Variants in ENOX2 observed in about 807,000 individuals in gnomAD.
The protein encoded by ENOX2 is APK1 antigen.
Under a neutral mutation model 45.0 loss-of-function variants are expected in ENOX2, and 36 were observed. The observed-to-expected ratio is 0.80, with a 90% confidence interval of 0.61 to 1.06. The LOEUF (loss-of-function observed/expected upper bound fraction) is 1.06, where lower values mean the gene tolerates loss of function less well. Ranked by LOEUF, ENOX2 falls within the 50% of genes least tolerant of loss-of-function variation. The pLI is 0.00. For synonymous variants in ENOX2, 174 were observed against 152.3 expected (o/e 1.14, Z -1.05); for missense variants, 423 against 462.5 (o/e 0.91, Z 0.78).
intron 2 of ENOX2, among the ~76,000 whole-genome samples, chrX:130,891,004 G>A (rs2148588670): frequency 9.0e-6 from 1 of 111,731 alleles, no homozygotes; most frequent in Non-Finnish European, 1.9e-5. Flanking sequence ...CAGAGAGATG[G>A]ACCACCCCAA....
intron 2 of ENOX2, among the ~76,000 whole-genome samples, chrX:130,863,861 T>C (rs1396426525): frequency 1.8e-5 from 2 of 111,780 alleles, no homozygotes; most frequent in African/African-American, 6.5e-5. Context: ...AAAACCCATA[T>C]ATAGGGGCTA....
At chrX:130,629,183 T>G (rs1209440540) in intron 13 of ENOX2, among the ~76,000 whole-genome samples, 3 of 112,314 alleles carry the variant, frequency 2.7e-5, no homozygotes, top group Non-Finnish European at 3.8e-5. Flanking sequence ...CATTACTTTA[T>G]TCTTAAACGA....
At chrX:130,648,999 CG>C (rs1418582612) in intron 10 of ENOX2, among the ~76,000 whole-genome samples, 1 of 94,229 alleles carries the variant, frequency 1.1e-5, no homozygotes, top group Non-Finnish European at 2.1e-5. Flanking sequence ...GAGCCAAGAT[CG>C]CGCCACAGCA....
intron 3 of ENOX2, among the ~76,000 whole-genome samples, chrX:130,754,925 G>A (rs750896640): frequency 8.9e-6 from 1 of 111,970 alleles, no homozygotes; most frequent in Non-Finnish European, 1.9e-5. Context: ...AGCATGTCTT[G>A]TAAACCTTTC....
intron 3 of ENOX2, among the ~76,000 whole-genome samples, chrX:130,761,889 A>T (rs1243887466): frequency 9.0e-6 from 1 of 111,522 alleles, no homozygotes; most frequent in African/African-American, 3.3e-5. Context: ...CAAATATACA[A>T]ACTATATCAT....
chrX:130,810,952 C>A lies in ENOX2; in HGVS notation c.-182-27262G>T, dbSNP rs985402879. ...CATCAGACTAGCCTCAGGTTCAAGG[C>A]TAGTCTCTGTTACCCAAGGCTTCAG... is the stretch of plus-strand genomic sequence containing the variant. On this transcript the variant is annotated intron_variant, in intron 2 of 14. Coordinates refer to ENST00000394363, the MANE Select transcript of ENOX2 (RefSeq NM_006375.4). Among the ~76,000 whole-genome samples the A allele has an allele frequency of 1.2e-4, 14 of 112,200 alleles. No homozygotes were observed. The South Asian group carries it at 5.2e-3, about 42-fold the overall frequency.
intron 3 of ENOX2, among the ~76,000 whole-genome samples, chrX:130,738,829 GCAAGCAAGTACTAT>G (rs2038916987): frequency 8.9e-6 from 1 of 112,299 alleles, no homozygotes; most frequent in Admixed American, 9.4e-5. Context: ...GGGCAGCACA[GCAAGCAAGTACTAT>G]CACAAAAGGC....
At chrX:130,803,206 GAATTA>G (rs1313086469) in intron 2 of ENOX2, among the ~76,000 whole-genome samples, 2 of 111,746 alleles carry the variant, frequency 1.8e-5, no homozygotes, top group Admixed American at 9.5e-5. Context: ...CTACAAAACA[GAATTA>G]AATACTTTGT....
chrX:130,647,505 T>C (rs991013572), intron 10 of ENOX2, among the ~76,000 whole-genome samples: 2 of 111,360 alleles, frequency 1.8e-5, no homozygotes, highest in Non-Finnish European at 3.8e-5. Context: ...GTGCCCTGAA[T>C]CCACGTGCAT....
chrX:130,750,031 C>T (rs1441982734), intron 3 of ENOX2, among the ~76,000 whole-genome samples: 2 of 110,502 alleles, frequency 1.8e-5, no homozygotes, highest in Admixed American at 1.9e-4. Flanking sequence ...TCTTTCTTCT[C>T]TCTCTCTGTT....
chrX:130,895,094 T>C (rs751649388), intron 2 of ENOX2, among the ~76,000 whole-genome samples: 1 of 111,931 alleles, frequency 8.9e-6, no homozygotes, highest in African/African-American at 3.2e-5. Flanking sequence ...ATCTCCCCTA[T>C]TAGACTGTGA....
chrX:130,742,259 T>TC (rs1163104937), intron 3 of ENOX2, among the ~76,000 whole-genome samples: 2 of 96,605 alleles, frequency 2.1e-5, no homozygotes, highest in East Asian at 6.2e-4. Context: ...TTTTTTTTTT[T>TC]TTTTTTTTTT....
chrX:130,799,969 A>C (rs1160032531), intron 2 of ENOX2, among the ~76,000 whole-genome samples: 2 of 111,492 alleles, frequency 1.8e-5, no homozygotes, highest in African/African-American at 6.5e-5. Flanking sequence ...AAGGAAGCAC[A>C]GAACAGTTTT....
At chrX:130,730,288 T>C in intron 3 of ENOX2, among the ~76,000 whole-genome samples, 1 of 112,477 alleles carries the variant, frequency 8.9e-6, no homozygotes, top group East Asian at 2.8e-4. Context: ...ATGTAGAAAT[T>C]TGTTGCTCCA....
chrX:130,756,530 T>G (rs911017275), intron 3 of ENOX2, among the ~76,000 whole-genome samples: 1 of 112,204 alleles, frequency 8.9e-6, no homozygotes, highest in African/African-American at 3.2e-5. Flanking sequence ...TACCTGTGGA[T>G]AGTGTACTTG....
At chrX:130,752,459 A>T (rs377128283) in intron 3 of ENOX2, among the ~76,000 whole-genome samples, 1 of 107,667 alleles carries the variant, frequency 9.3e-6, no homozygotes, top group Non-Finnish European at 1.9e-5. Context: ...CTCTCTCTGT[A>T]TTGCCTTTTC....
At chrX:130,871,520 G>T (rs1398343593) in intron 2 of ENOX2, among the ~76,000 whole-genome samples, 2 of 111,542 alleles carry the variant, frequency 1.8e-5, no homozygotes, top group East Asian at 5.6e-4. Context: ...GTAGTTCAAA[G>T]AAGGGGAAAA....
intron 3 of ENOX2, among the ~76,000 whole-genome samples, chrX:130,704,679 G>A (rs1447724692): frequency 8.9e-6 from 1 of 112,170 alleles, no homozygotes; most frequent in Non-Finnish European, 1.9e-5. Flanking sequence ...TTTGGTCACT[G>A]ATTGGTCAGA....
At chrX:130,738,754 G>C (rs2038915564) in intron 3 of ENOX2, among the ~76,000 whole-genome samples, 1 of 112,219 alleles carries the variant, frequency 8.9e-6, no homozygotes, top group African/African-American at 3.2e-5. Flanking sequence ...TGCTGAAATA[G>C]CTCATGTCAG....
Sources: gnomAD v4.1 joint callset for allele counts (sites outside exome capture counted in the v4.1 genomes callset) on GRCh38, gnomAD v4.1.1 for gene constraint, MANE v1.5 for transcripts, NCBI Gene and HGNC (gene_info 2026-07-23, HGNC 2026-07-21) for gene names.